The following CBLN2 variants were observed in gnomAD, a reference collection of about 807,000 sequenced individuals.
CBLN2 encodes cerebellin-2.
In CBLN2, 7 loss-of-function variants were observed where a neutral mutation model predicts 15.0. The observed-to-expected ratio is 0.47, with a 90% CI of 0.27 to 0.88. The LOEUF is 0.88. Ranked by LOEUF, CBLN2 falls within the 40% of genes least tolerant of loss-of-function variation. CBLN2 has a pLI of 0.14. For missense variants in CBLN2, 242 were observed against 304.5 expected (o/e 0.79, Z 1.53); for synonymous variants, 149 against 135.2 (o/e 1.10, Z -0.71).
chr18:72,624,322 C>T (rs911205448), intron 1 of CBLN2, among the ~76,000 whole-genome samples: 12 of 152,026 alleles, frequency 7.9e-5, no homozygotes, highest in African/African-American at 2.4e-4. Flanking sequence ...CATGTTTTTT[C>T]CCTCTTCGTT....
At position 72,599,865 on chromosome 18, in the gene CBLN2, G is replaced by A. The variant is rs533616442; in HGVS notation, c.15+38460C>T. Among the ~76,000 whole-genome samples the A allele has an allele frequency of 3.9e-5, 6 of 152,316 alleles. No individual in the cohort carries two copies. The East Asian group carries it at 1.2e-3, about 29-fold the overall frequency. Reference sequence around the variant, plus strand: ...GCCCGTGAAACAGTTTGAGAGCTGAGAGTTACCTCCTCAGTGTCTCAATTT... The same window carrying A: ...GCCCGTGAAACAGTTTGAGAGCTGAAAGTTACCTCCTCAGTGTCTCAATTT... On this transcript the variant is annotated intron_variant, in intron 1 of 2. Transcript: ENST00000581073.
chr18:72,594,712 G>A (rs2069501895), intron 1 of CBLN2, among the ~76,000 whole-genome samples: 1 of 151,956 alleles, frequency 6.6e-6, no homozygotes, highest in Non-Finnish European at 1.5e-5. Context: ...CACATTACTT[G>A]TTGTTTGCCT....
At chr18:72,613,474 T>G (rs1015341562) in intron 1 of CBLN2, among the ~76,000 whole-genome samples, 1 of 142,076 alleles carries the variant, frequency 7.0e-6, no homozygotes, top group Non-Finnish European at 1.6e-5. Flanking sequence ...AATAGGTATC[T>G]TTTTTTCTTA....
intron 1 of CBLN2, among the ~76,000 whole-genome samples, chr18:72,589,414 T>C (rs1339842452): frequency 6.6e-6 from 1 of 152,166 alleles, no homozygotes; most frequent in Non-Finnish European, 1.5e-5. Context: ...CTGTGGTCCC[T>C]CCAGTGGTGT....
intron 1 of CBLN2, among the ~76,000 whole-genome samples, chr18:72,553,570 A>G (rs2069205176): frequency 6.6e-6 from 1 of 152,220 alleles, no homozygotes; most frequent in South Asian, 2.1e-4. Context: ...GTTACTCAAC[A>G]AAACCTTACT....
chr18:72,601,591 C>T (rs913559146), intron 1 of CBLN2, among the ~76,000 whole-genome samples: 5 of 152,192 alleles, frequency 3.3e-5, no homozygotes, highest in African/African-American at 1.2e-4. Context: ...AAACTTGGGT[C>T]AGACTGGAAA....
chr18:72,585,207 C>T (rs2069434466), intron 1 of CBLN2, among the ~76,000 whole-genome samples: 1 of 152,212 alleles, frequency 6.6e-6, no homozygotes, highest in African/African-American at 2.4e-5. Context: ...GTCTTCTCTC[C>T]CTCTTGTCAC....
chr18:72,618,600 TAA>T (rs1280907785), intron 1 of CBLN2: 16 of 960,190 alleles, frequency 1.7e-5, no homozygotes, highest in Non-Finnish European at 2.6e-5. Context: ...TTGGTGGCAT[TAA>T]AGAAGACACT....
At chr18:72,618,750 T>C in intron 1 of CBLN2, 1 of 724,420 alleles carries the variant, frequency 1.4e-6, no homozygotes, top group South Asian at 1.3e-5. Flanking sequence ...TGGATGACAC[T>C]GTCATTCAGA....
intron 1 of CBLN2, among the ~76,000 whole-genome samples, chr18:72,570,394 C>T (rs1251031738): frequency 3.3e-5 from 5 of 150,608 alleles, no homozygotes; most frequent in East Asian, 2.0e-4. Flanking sequence ...TATGCCACCA[C>T]GCCTGGCTAA....
chr18:72,590,041 G>A (rs1255685967), intron 1 of CBLN2, among the ~76,000 whole-genome samples: 1 of 152,196 alleles, frequency 6.6e-6, no homozygotes, highest in Non-Finnish European at 1.5e-5. Context: ...GCCGAGGCGG[G>A]CAGATCACGA....
At chr18:72,541,778 G>A (rs775033740) in intron 3 of CBLN2, 26 bp downstream of exon 3, 5 of 1,503,782 alleles carry the variant, frequency 3.3e-6, no homozygotes, top group East Asian at 2.5e-5. Flanking sequence ...CGGGCTGGGG[G>A]CGGGGTGGGC....
upstream of CBLN2, among the ~76,000 whole-genome samples, chr18:72,547,636 G>A (rs989991477): frequency 6.6e-6 from 1 of 151,680 alleles, no homozygotes; most frequent in African/African-American, 2.4e-5. Context: ...GGATTATTTT[G>A]AGTAAACATA....
chr18:72,627,565 C>T (rs1011424298), intron 1 of CBLN2, among the ~76,000 whole-genome samples: 2 of 152,178 alleles, frequency 1.3e-5, no homozygotes, highest in Non-Finnish European at 2.9e-5. Flanking sequence ...TTGTGCTTCA[C>T]CAAATCCCAG....
At position 72,538,181 on chromosome 18, in the gene CBLN2, G is replaced by C; in HGVS notation, c.670C>G (p.Leu224Val). Residue 224 changes from leucine (L) to valine (V), a missense_variant, in exon 5 of 5, where the codon CTA becomes GTA. Physicochemically the swap from Leu to Val is conservative, Grantham distance 32. This residue lies in a region of CBLN2 where 31 missense variants were observed against 36.3 expected (regional missense o/e 0.86). Coordinates refer to ENST00000269503, the MANE Select transcript of CBLN2 (RefSeq NM_182511.4). ...STFSGFLVFP[L>V] is the part of the protein sequence containing the mutation. The stretch of plus-strand genomic sequence containing the variant: ...CCATCTAGGGGGCTCTGTGTTTATA[G>C]AGGAAACACCAAGAAGCCCGAGAAT... 2.5e-6 allele frequency: 4 copies of C among 1,614,078 alleles called. No homozygotes were observed. Among genetic ancestry groups the C allele is most frequent in the Non-Finnish European group, 2.5e-6 (3 of 1,179,994 alleles).
chr18:72,544,993 A>AATAATG (rs2069148175), upstream of CBLN2, among the ~76,000 whole-genome samples: 1 of 151,480 alleles, frequency 6.6e-6, no homozygotes, highest in Admixed American at 6.6e-5. Flanking sequence ...TAATAATAAT[A>AATAATG]ATAATAATAA....
At chr18:72,575,641 C>A (rs893545420) in intron 1 of CBLN2, among the ~76,000 whole-genome samples, 2 of 152,048 alleles carry the variant, frequency 1.3e-5, no homozygotes, top group Non-Finnish European at 2.9e-5. Flanking sequence ...CCTCAGGAGG[C>A]GACTGGGCGG....
chr18:72,549,659 T>C (rs2069179685), intron 1 of CBLN2, among the ~76,000 whole-genome samples: 1 of 152,248 alleles, frequency 6.6e-6, no homozygotes, highest in Non-Finnish European at 1.5e-5. Flanking sequence ...ATCATGATTG[T>C]GTTAAAATGT....
At chr18:72,568,960 A>C (rs560210304) in intron 1 of CBLN2, among the ~76,000 whole-genome samples, 1 of 152,380 alleles carries the variant, frequency 6.6e-6, no homozygotes, top group East Asian at 1.9e-4. Context: ...ATATTATCAT[A>C]TTCAGCTTAA....
Sources: allele counts gnomAD v4.1 joint callset (sites outside exome capture counted in the v4.1 genomes callset), GRCh38; gene constraint gnomAD v4.1.1; regional missense constraint gnomAD v4.1.1; transcripts MANE v1.5; gene names NCBI Gene and HGNC (gene_info 2026-07-23, HGNC 2026-07-21).